The following RBM33 variants were observed in gnomAD, a reference collection of about 807,000 sequenced individuals.
RBM33 encodes the protein RNA-binding protein 33.
A neutral mutation model predicts 132.6 loss-of-function variants in RBM33; 28 were observed. The ratio of observed to expected loss-of-function variants is 0.21; its 90% CI spans 0.16 to 0.29. The LOEUF (loss-of-function observed/expected upper bound fraction) is 0.29, where lower values mean the gene tolerates loss of function less well. RBM33 is among the 10% of genes least tolerant of loss of function. RBM33 has a pLI of 1.00. For synonymous variants in RBM33, 634 were observed against 593.0 expected (o/e 1.07, Z -1.01); for missense variants, 1,291 against 1,518.5 (o/e 0.85, Z 2.49).
rs945844909 is a variant in RBM33, at chr7:155,653,088, A to T, written c.43+8169A>T. 2.0e-5 allele frequency among the ~76,000 whole-genome samples: 3 copies of T among 151,990 alleles called. 1 individual carries two copies. The highest frequency in any genetic ancestry group is 4.4e-5 in the Non-Finnish European group (3 of 67,966). Reference sequence around the variant, plus strand: ...TTATATATCTATACTATTTTTTTTTAAACCATATATCCTTCAATAGACACT... The same window carrying T: ...TTATATATCTATACTATTTTTTTTTTAACCATATATCCTTCAATAGACACT... On this transcript the variant is annotated intron_variant, in intron 1 of 17. Coordinates refer to ENST00000401878, the MANE Select transcript of RBM33 (RefSeq NM_053043.3).
In RBM33 at chr7:155,664,584, A is replaced by G. The variant is rs1051421734; in HGVS notation, c.44-591A>G. Among the ~76,000 whole-genome samples, 3 of 152,166 alleles carry G rather than the reference A, an allele frequency of 2.0e-5. No individual in the cohort carries two copies. The East Asian group carries it at 5.8e-4, about 29-fold the overall frequency. On this transcript the variant is annotated intron_variant, in intron 1 of 17. Transcript: ENST00000401878. ...ACCGCGCCCAGCCATACATACTGTG[A>G]TAATATTTTGGATATAGTATGTTAA...
chr7:155,736,429 G>A (rs1801128781), intron 9 of RBM33, among the ~76,000 whole-genome samples: 1 of 152,180 alleles, frequency 6.6e-6, no homozygotes. Context: ...CAGTGAAAAA[G>A]TGGTGAACAT....
chr7:155,774,530 A>T lies in RBM33; in HGVS notation c.3376-29A>T. On this transcript the variant is annotated intron_variant, in intron 16 of 17. Coordinates refer to ENST00000401878, the MANE Select transcript of RBM33 (RefSeq NM_053043.3). This position sits in a 1 kb window ranked among gnomAD's most constrained non-coding sequence, Gnocchi z 4.2. Reference sequence around the variant, plus strand: ...TATTTTTTATTGTCATTTACAACTGATCTTAAAGTGTTTGTTTTCTTCCTC... The same window carrying T: ...TATTTTTTATTGTCATTTACAACTGTTCTTAAAGTGTTTGTTTTCTTCCTC... 6.7e-7 allele frequency: 1 copy of T among 1,486,466 alleles called. No individual in the cohort carries two copies. Among genetic ancestry groups the T allele is most frequent in the African/African-American group, 1.4e-5 (1 of 72,492 alleles). The allele number at this position is 1,486,466 out of a possible 1,614,324, so 92.1% of individuals were successfully genotyped here. A position where few individuals can be genotyped will look rare whatever the true frequency, so the allele number is the denominator to read the frequency against.
rs71186053 is a variant in RBM33, at chr7:155,673,940, G to GTTTTTTTTT, written c.171+1049_171+1057dup. Among the ~76,000 whole-genome samples, 89 of 54,172 alleles carry GTTTTTTTTT rather than the reference G, an allele frequency of 1.6e-3. 5 individuals are homozygous for GTTTTTTTTT. Among genetic ancestry groups the GTTTTTTTTT allele is most frequent in the Non-Finnish European group, 2.3e-3 (70 of 30,818 alleles). 35.5% of individuals were successfully genotyped at this position (54,172 alleles called of 152,430 possible). A position where few individuals can be genotyped will look rare whatever the true frequency, so the allele number is the denominator to read the frequency against. On this transcript the variant is annotated intron_variant, in intron 3 of 17. Transcript: ENST00000401878. Reference sequence around the variant, plus strand: ...TCATTATCAAGATAGTTTAGGCTTAGTTTTTTTTTTTTTTTTTTTTTTTTT... The same window carrying GTTTTTTTTT: ...TCATTATCAAGATAGTTTAGGCTTAGTTTTTTTTTTTTTTTTTTTTTTTTTTTTTTTTTT...
In RBM33 at chr7:155,650,730, C is replaced by G. The variant is rs1798330504; in HGVS notation, c.43+5811C>G. 1.3e-5 allele frequency among the ~76,000 whole-genome samples: 2 copies of G among 152,102 alleles called. 1 individual carries two copies. Among genetic ancestry groups the G allele is most frequent in the South Asian group, 4.1e-4 (2 of 4,824 alleles). The stretch of plus-strand genomic sequence containing the variant: ...TTTAAAAAAGTTATCTTTTCAATTT[C>G]CTGTATTATTATTGATTTATTTAGT... On this transcript the variant is annotated intron_variant, in intron 1 of 17. Transcript: ENST00000401878.
rs547507956 is a variant in RBM33 at position 155,688,234 on chromosome 7, A to G, written c.567+7326A>G. 6.6e-3 allele frequency among the ~76,000 whole-genome samples: 1,005 copies of G among 152,202 alleles called. 10 individuals carry two copies. Among genetic ancestry groups the G allele is most frequent in the Middle Eastern group, 0.014 (4 of 294 alleles). ...TTCCTAGGTATTTTATTCTCTTTGA[A>G]GCAATTGTGAATGGGAGTTCACTCA... is the stretch of plus-strand genomic sequence containing the variant. On this transcript the variant is annotated intron_variant, in intron 5 of 17. Transcript: ENST00000401878.
intron 9 of RBM33, among the ~76,000 whole-genome samples, chr7:155,731,917 C>G (rs1469003550): frequency 6.6e-6 from 1 of 152,160 alleles, no homozygotes; most frequent in Admixed American, 6.5e-5. Context: ...AGGGCTTCAC[C>G]TATTAAATAA....
At chr7:155,696,597 A>C (rs539539092) in intron 5 of RBM33, among the ~76,000 whole-genome samples, 1 of 152,204 alleles carries the variant, frequency 6.6e-6, no homozygotes, top group Non-Finnish European at 1.5e-5. Context: ...ATTTTCTTAA[A>C]AATCAGAAAT....
At chr7:155,716,535 G>T (rs1394279980) in intron 8 of RBM33, among the ~76,000 whole-genome samples, 1 of 151,994 alleles carries the variant, frequency 6.6e-6, no homozygotes, top group African/African-American at 2.4e-5. Context: ...TAAATTCCAA[G>T]TTTCTAAGTG....
chr7:155,780,164 A>G lies in RBM33; in HGVS notation c.*5123A>G, dbSNP rs951573161. 6.6e-6 allele frequency: 1 copy of G among 152,218 alleles called. No homozygotes were observed. Among genetic ancestry groups the G allele is most frequent in the African/African-American group, 2.4e-5 (1 of 41,442 alleles). 9.4% of individuals were successfully genotyped at this position (152,218 alleles called of 1,614,324 possible). On this transcript the variant is annotated 3_prime_UTR_variant, in exon 18 of 18. Transcript: ENST00000401878. The stretch of plus-strand genomic sequence containing the variant: ...CGTGGCGGAAGCTGGTTTTGCAAGG[A>G]CTGTGTAAGCTGTATGCGTTCTAGC...
chr7:155,739,788 AGCACCAGCCTCCGCACCAGCCCCC>A lies in RBM33; in HGVS notation c.1821_1844del (p.His609_Pro616del), dbSNP rs762745623. On this transcript the variant is annotated inframe_deletion, in exon 12 of 18. Coordinates refer to ENST00000401878, the MANE Select transcript of RBM33 (RefSeq NM_053043.3). ...CAACCTCAGCAACAGCCCCCGCCAC[AGCACCAGCCTCCGCACCAGCCCCC>A]GCACCAGCCCCCGCCCCAGCACCAG... 6.6e-6 allele frequency: 10 copies of A among 1,509,060 alleles called. No homozygotes were observed. The highest frequency in any genetic ancestry group is 2.4e-5 in the South Asian group (2 of 82,104). The allele number at this position is 1,509,060 out of a possible 1,614,324, so 93.5% of individuals were successfully genotyped here. A position where few individuals can be genotyped will look rare whatever the true frequency, so the allele number is the denominator to read the frequency against.
intron 1 of RBM33, among the ~76,000 whole-genome samples, chr7:155,664,537 G>A (rs1292746525): frequency 6.6e-6 from 1 of 151,954 alleles, no homozygotes; most frequent in Non-Finnish European, 1.5e-5. Flanking sequence ...CTCCCAAAGT[G>A]CTGGGATTAC....
chr7:155,682,493 G>T (rs1480315806), intron 5 of RBM33, among the ~76,000 whole-genome samples: 1 of 152,130 alleles, frequency 6.6e-6, no homozygotes, highest in African/African-American at 2.4e-5. Flanking sequence ...TTTTAGAATT[G>T]TGCCTAGTTA....
chr7:155,664,096 A>G (rs374898378), intron 1 of RBM33, among the ~76,000 whole-genome samples: 1 of 152,182 alleles, frequency 6.6e-6, no homozygotes, highest in Non-Finnish European at 1.5e-5. Context: ...CTTGCCACAC[A>G]TGGCACCAAG....
At chr7:155,759,181 A>T (rs180784077) in intron 14 of RBM33, among the ~76,000 whole-genome samples, 5 of 152,250 alleles carry the variant, frequency 3.3e-5, no homozygotes, top group African/African-American at 9.6e-5. Context: ...GAAACAGATG[A>T]GGAAGAGAAA....
At chr7:155,646,329 G>C (rs1327948276) in intron 1 of RBM33, among the ~76,000 whole-genome samples, 5 of 152,126 alleles carry the variant, frequency 3.3e-5, no homozygotes, top group Admixed American at 1.3e-4. Flanking sequence ...AGATAAACAG[G>C]CATTTTTGGG....
intron 15 of RBM33, among the ~76,000 whole-genome samples, chr7:155,765,328 T>G (rs1802177931): frequency 6.6e-6 from 1 of 152,248 alleles, no homozygotes; most frequent in South Asian, 2.1e-4. Context: ...CCAGCCAGGG[T>G]AACTGTAACT....
chr7:155,709,726 AAGAT>A (rs1800223123), intron 7 of RBM33, among the ~76,000 whole-genome samples: 1 of 152,186 alleles, frequency 6.6e-6, no homozygotes, highest in Non-Finnish European at 1.5e-5. Flanking sequence ...AATGGTGAGT[AAGAT>A]AGACAAGATC....
At chr7:155,676,568 C>T (rs1799189380) in intron 3 of RBM33, among the ~76,000 whole-genome samples, 1 of 152,042 alleles carries the variant, frequency 6.6e-6, no homozygotes, top group Admixed American at 6.5e-5. Context: ...TGTTTCTCTC[C>T]CCATGGGAGA....
Sources: gnomAD v4.1 joint callset for allele counts (sites outside exome capture counted in the v4.1 genomes callset) on GRCh38, gnomAD v4.1.1 for gene constraint, Gnocchi (gnomAD v3.1) non-coding constraint, MANE v1.5 for transcripts, NCBI Gene and HGNC (gene_info 2026-07-23, HGNC 2026-07-21) for gene names.